FCHSD1: variants seen among roughly 807,000 people sequenced by gnomAD.
The protein encoded by FCHSD1 is F-BAR and double SH3 domains protein 1.
FCHSD1 carries 109 observed loss-of-function variants against 101.3 expected under a neutral mutation model. That is an observed-to-expected ratio of 1.08 (90% CI 0.92 to 1.26). The LOEUF (loss-of-function observed/expected upper bound fraction) is 1.26. Among genes scored for constraint, FCHSD1 ranks in the 50% most tolerant of loss-of-function variants. The pLI is 0.00. For synonymous variants in FCHSD1, 291 were observed against 356.8 expected (o/e 0.82, Z 2.08); for missense variants, 820 against 895.8 (o/e 0.92, Z 1.08).
intron 18 of FCHSD1, 67 bp downstream of exon 18, chr5:141,642,934 G>A (rs1223899186): frequency 6.8e-7 from 1 of 1,461,280 alleles, no homozygotes; most frequent in East Asian, 2.5e-5. Context: ...AGCGTGACCT[G>A]GGAGTCCAAG....
Position 141,641,540 on chromosome 5 carries a change from C to T in FCHSD1, c.2031G>A (p.Pro677=), listed in dbSNP as rs369448667. The change falls in exon 20 of 20, where the codon CCG becomes CCA. Residue 677 remains proline, a synonymous_variant. Transcript: ENST00000435817. ...LRPMRPPPPP[P]AKAPDPGHPD... is the part of the protein sequence containing the mutation. ...GGTGGCCAGGATCCGGGGCTTTAGC[C>T]GGCGGGGGAGGTGGTGGACGCATCT... 9.7e-5 allele frequency: 147 copies of T among 1,519,096 alleles called. No homozygotes were observed. The highest frequency in any genetic ancestry group is 3.6e-4 in the Middle Eastern group (2 of 5,526). The allele number at this position is 1,519,096 out of a possible 1,614,324, so 94.1% of individuals were successfully genotyped here. A position where few individuals can be genotyped will look rare whatever the true frequency, so the allele number is the denominator to read the frequency against.
intron 2 of FCHSD1, 23 bp from the exon 3 acceptor site, chr5:141,650,427 G>A (rs767926840): frequency 6.2e-7 from 1 of 1,613,916 alleles, no homozygotes; most frequent in Non-Finnish European, 8.5e-7. Flanking sequence ...CAGGTCGGGG[G>A]TGAGGTGGGG....
chr5:141,642,622 T>TG (rs1406668104), intron 18 of FCHSD1: 2 of 547,380 alleles, frequency 3.7e-6, no homozygotes, highest in Admixed American at 3.7e-5. Flanking sequence ...AGGTGCATAT[T>TG]GGGAGGACAC....
At chr5:141,647,752 C>T (rs1487940580) in intron 8 of FCHSD1, 2 of 948,974 alleles carry the variant, frequency 2.1e-6, no homozygotes, top group East Asian at 2.7e-5. Flanking sequence ...AAAGGGTTAT[C>T]CCTGATGAGG....
In FCHSD1 at chr5:141,644,224, A is replaced by T; in HGVS notation, c.1857T>A (p.Pro619=). 6.2e-7 allele frequency: 1 copy of T among 1,610,766 alleles called. No homozygotes were observed. Among genetic ancestry groups the T allele is most frequent in the Non-Finnish European group, 8.5e-7 (1 of 1,178,410 alleles). ...GPPGPPELSD[P]EQMLPSPSPP... ...GGGAGAAGGTAAGCCTCACCTGTTCAGGGTCAGAGAGTTCAGGTGGCCCTG... is the reference window on the plus strand; with the variant it reads ...GGGAGAAGGTAAGCCTCACCTGTTCTGGGTCAGAGAGTTCAGGTGGCCCTG... Residue 619 remains proline, a synonymous_variant, in exon 17 of 20, where the codon CCT becomes CCA. Transcript: ENST00000435817.
Position 141,649,953 on chromosome 5 carries a change from G to A in FCHSD1, c.167C>T (p.Ala56Val), listed in dbSNP as rs372908608. 1 of 1,541,136 alleles carries A rather than the reference G, an allele frequency of 6.5e-7. No individual in the cohort carries two copies. The highest frequency in any genetic ancestry group is 1.2e-5 in the South Asian group (1 of 81,636). ...RAAIEREYGQ[A>V]LQKLAGPFLK... The stretch of plus-strand genomic sequence containing the variant: ...GAATGGGCCAGCCAGTTTCTGGAGT[G>A]CCTGGTGAAAAAGCCATCACAGAAC... Residue 56 changes from alanine to valine, a missense_variant and splice_region_variant, in exon 4 of 20, where the codon GCA becomes GTA. Physicochemically the swap from Ala to Val is moderately conservative, Grantham distance 64 (BLOSUM62 0). Transcript: ENST00000435817. This position sits in a 1 kb window ranked among gnomAD's most constrained non-coding sequence, Gnocchi z 4.1.
rs567614101 is a variant in FCHSD1, at chr5:141,649,722, C to A, written c.233+165G>T. 6.6e-6 allele frequency among the ~76,000 whole-genome samples: 1 copy of A among 152,358 alleles called. No individual in the cohort carries two copies. The highest frequency in any genetic ancestry group is 2.1e-4 in the South Asian group (1 of 4,826). ...AGCCTCACTCCTGCCCTCCACCCCA[C>A]CCACAGTGTCCTTGCTGGGTCAGCT... On this transcript the variant is annotated intron_variant, in intron 4 of 19. Transcript: ENST00000435817. This position sits in a 1 kb window ranked among gnomAD's most constrained non-coding sequence, Gnocchi z 4.1.
intron 7 of FCHSD1, among the ~76,000 whole-genome samples, chr5:141,648,664 G>GAACTCCATT (rs2099907973): frequency 6.6e-6 from 1 of 152,152 alleles, no homozygotes; most frequent in Non-Finnish European, 1.5e-5. Context: ...GTGAGGGCAG[G>GAACTCCATT]AACTCCATTG....
chr5:141,647,564 C>A, intron 8 of FCHSD1, 44 bp from the exon 9 acceptor site: 19 of 1,603,188 alleles, frequency 1.2e-5, no homozygotes, highest in Non-Finnish European at 1.6e-5. Context: ...TCCCCCAGAC[C>A]TCTACTGTAA....
intron 11 of FCHSD1, 39 bp downstream of exon 11, chr5:141,646,564 C>T (rs1376726440): frequency 6.3e-7 from 1 of 1,587,338 alleles, no homozygotes; most frequent in African/African-American, 1.3e-5. Context: ...CTTGCTGAGA[C>T]AAGAAGGTGC....
intron 1 of FCHSD1, 49 bp from the exon 2 acceptor site, chr5:141,651,166 A>G: frequency 6.5e-7 from 1 of 1,540,536 alleles, no homozygotes. Context: ...GACCTAAAAA[A>G]CACTCCGCGC....
Position 141,651,347 on chromosome 5 carries a change from C to G in FCHSD1, c.21+1G>C, listed in dbSNP as rs774442186. 3.9e-5 allele frequency: 61 copies of G among 1,554,100 alleles called. No homozygotes were observed. The highest frequency in any genetic ancestry group is 5.3e-5 in the Non-Finnish European group (61 of 1,148,474). On this transcript the variant is annotated splice_donor_variant, in intron 1 of 19. Transcript: ENST00000435817. LOFTEE classifies it high-confidence loss of function. ...GAGTCCCCATTCAGGGCCAAGCTCA[C>G]TTTTCGGGGCGGCGGCTGCATCTCC...
At chr5:141,650,093 T>C in intron 3 of FCHSD1, 139 bp from the exon 4 acceptor site, 2 of 917,556 alleles carry the variant, frequency 2.2e-6, no homozygotes, top group Non-Finnish European at 3.3e-6. Flanking sequence ...TTATAGTCAT[T>C]AATTTGTTTA....
chr5:141,640,857 C>T lies in FCHSD1; in HGVS notation c.*641G>A, dbSNP rs530892699. 68 of 601,440 alleles carry T rather than the reference C, an allele frequency of 1.1e-4. No individual in the cohort carries two copies. The highest frequency in any genetic ancestry group is 1.1e-3 in the African/African-American group (59 of 53,990). 37.3% of individuals were successfully genotyped at this position (601,440 alleles called of 1,614,324 possible). A position where few individuals can be genotyped will look rare whatever the true frequency, so the allele number is the denominator to read the frequency against. On this transcript the variant is annotated 3_prime_UTR_variant, in exon 20 of 20. Coordinates refer to ENST00000435817, the MANE Select transcript of FCHSD1 (RefSeq NM_033449.3). ...ACAGCCCCTCAGTCTCTTCTCCTTC[C>T]CCTGCCTGCAACAGGCTGCCTGCCC... is the stretch of plus-strand genomic sequence containing the variant.
At chr5:141,647,724 G>A (rs1413070029) in intron 8 of FCHSD1, 4 of 968,336 alleles carry the variant, frequency 4.1e-6, no homozygotes, top group South Asian at 1.7e-5. Flanking sequence ...CCCCACTAGT[G>A]CTATAAGATA....
rs1159493776 is a variant in FCHSD1 at position 141,641,179 on chromosome 5, G to T, written c.*319C>A. The T allele has an allele frequency of 5.7e-6, 2 of 349,364 alleles. No individual in the cohort carries two copies. Among genetic ancestry groups the T allele is most frequent in the Non-Finnish European group, 1.0e-5 (2 of 193,678 alleles). 21.6% of individuals were successfully genotyped at this position (349,364 alleles called of 1,614,324 possible). On this transcript the variant is annotated 3_prime_UTR_variant, in exon 20 of 20. Transcript: ENST00000435817. ...GGGTGGGTCATGGAGCCAGGGTGGG[G>T]AAAGAGGTGGGCCAGAACTACTAGA...
At position 141,639,485 on chromosome 5, in the gene FCHSD1, G is replaced by A; in HGVS notation, c.*2013C>T. On this transcript the variant is annotated 3_prime_UTR_variant, in exon 20 of 20. Coordinates refer to ENST00000435817, the MANE Select transcript of FCHSD1 (RefSeq NM_033449.3). The surrounding 1 kb of genome is among the most constrained non-coding windows in gnomAD (Gnocchi z 4.4). ...CCAGTGTGGATGCCACCTCCAGCCT[G>A]CAGGACGGAGCCCCCTCCCATCATC... The A allele has an allele frequency of 6.2e-7, 1 of 1,613,104 alleles. No homozygotes were observed. The highest frequency in any genetic ancestry group is 8.5e-7 in the Non-Finnish European group (1 of 1,179,342).
Position 141,644,676 on chromosome 5 carries a change from G to A in FCHSD1, c.1539C>T (p.His513=), listed in dbSNP as rs773839285. Residue 513 remains histidine, a synonymous_variant, in exon 16 of 20, where the codon CAC becomes CAT. Coordinates refer to ENST00000435817, the MANE Select transcript of FCHSD1 (RefSeq NM_033449.3). The part of the protein sequence containing the change: ...ADEWVKARNQ[H]GEVGFVPERY... ...GCTCAGGGACAAAGCCTACCTCGCC[G>A]TGCTGGTTCCGAGCCTGCTCACCCA... 31 of 1,613,822 alleles carry A rather than the reference G, an allele frequency of 1.9e-5. No individual in the cohort carries two copies. The highest frequency in any genetic ancestry group is 8.3e-5 in the Admixed American group (5 of 60,004).
At position 141,647,397 on chromosome 5, in the gene FCHSD1, C is replaced by A; in HGVS notation, c.828+1G>T. 1 of 1,595,062 alleles carries A rather than the reference C, an allele frequency of 6.3e-7. No homozygotes were observed. ...AAGCTCTTAGAGGCCACAGCCCTCA[C>A]CTGGGAGGTTGTCTGCTCCCCGCGG... On this transcript the variant is annotated splice_donor_variant, in intron 9 of 19. Coordinates refer to ENST00000435817, the MANE Select transcript of FCHSD1 (RefSeq NM_033449.3). LOFTEE classifies it high-confidence loss of function.
Sources: allele counts gnomAD v4.1 joint callset (sites outside exome capture counted in the v4.1 genomes callset), GRCh38; gene constraint gnomAD v4.1.1; non-coding constraint Gnocchi (gnomAD v3.1); transcripts MANE v1.5; gene names NCBI Gene and HGNC (gene_info 2026-07-23, HGNC 2026-07-21).